RAD51B: variants seen among roughly 807,000 people sequenced by gnomAD.
RAD51B encodes DNA repair protein RAD51 homolog 2.
RAD51B carries 38 observed loss-of-function variants against 42.2 expected under a neutral mutation model. That is an observed-to-expected ratio of 0.90 (90% CI 0.70 to 1.18). RAD51B has a LOEUF of 1.18. Among genes scored for constraint, RAD51B ranks in the 50% most tolerant of loss-of-function variants. The probability of loss-of-function intolerance (pLI) is 0.00; values close to 1 mark genes in which losing one functional copy is unlikely to be tolerated. For missense variants in RAD51B, 373 were observed against 400.7 expected (o/e 0.93, Z 0.59); for synonymous variants, 154 against 145.2 (o/e 1.06, Z -0.43).
At chr14:67,864,878 G>A (rs758195110) in intron 4 of RAD51B, 125 bp from the exon 5 acceptor site, 132 of 1,374,060 alleles carry the variant, frequency 9.6e-5, no homozygotes, top group Non-Finnish European at 1.3e-4. Context: ...TCTCTCCTGG[G>A]AACCCAGGTT....
intron 8 of RAD51B, among the ~76,000 whole-genome samples, chr14:68,324,221 A>G (rs1484350979): frequency 6.6e-6 from 1 of 152,214 alleles, no homozygotes; most frequent in African/African-American, 2.4e-5. Flanking sequence ...AAGTCCACTC[A>G]GTGTTAGAAT....
At chr14:68,191,913 A>G (rs1167217671) in intron 7 of RAD51B, among the ~76,000 whole-genome samples, 2 of 152,202 alleles carry the variant, frequency 1.3e-5, no homozygotes, top group Admixed American at 6.5e-5. Context: ...AAATGTTTGG[A>G]CATCATTCAA....
At chr14:68,532,685 A>G (rs1887386229) in intron 10 of RAD51B, among the ~76,000 whole-genome samples, 1 of 152,198 alleles carries the variant, frequency 6.6e-6, no homozygotes, top group Non-Finnish European at 1.5e-5. Flanking sequence ...TATGTTACAC[A>G]AACTGTTTGA....
intron 7 of RAD51B, chr14:68,069,437 C>T (rs1470300820): frequency 1.3e-5 from 2 of 152,138 alleles, no homozygotes; most frequent in Non-Finnish European, 2.9e-5. Context: ...ACCATCCTCC[C>T]ACTCTCCACC....
chr14:68,108,511 T>A (rs555441135), intron 7 of RAD51B, among the ~76,000 whole-genome samples: 1 of 152,020 alleles, frequency 6.6e-6, no homozygotes, highest in African/African-American at 2.4e-5. Flanking sequence ...TAATCACAAA[T>A]AGCTAGATGT....
chr14:68,551,331 C>G (rs1888557966), intron 10 of RAD51B, among the ~76,000 whole-genome samples: 2 of 152,228 alleles, frequency 1.3e-5, no homozygotes, highest in Admixed American at 6.5e-5. Flanking sequence ...GCCCCTTCAG[C>G]CCCAAGTCGC....
chr14:68,087,010 C>G (rs979372158), intron 7 of RAD51B, among the ~76,000 whole-genome samples: 2 of 151,940 alleles, frequency 1.3e-5, no homozygotes, highest in Non-Finnish European at 2.9e-5. Context: ...TGGTGCATGC[C>G]TGTAATCTCA....
downstream of RAD51B, among the ~76,000 whole-genome samples, chr14:68,596,489 G>A (rs1891005038): frequency 6.6e-6 from 1 of 152,158 alleles, no homozygotes; most frequent in South Asian, 2.1e-4. Flanking sequence ...CTCCTTTTAT[G>A]GAAGGATGAT....
At chr14:68,386,998 C>G (rs1383195027) in intron 8 of RAD51B, 1 of 152,192 alleles carries the variant, frequency 6.6e-6, no homozygotes, top group Non-Finnish European at 1.5e-5. Context: ...TACTGAAATA[C>G]CAAACTTATT....
At chr14:68,384,116 C>G (rs577978231) in intron 8 of RAD51B, among the ~76,000 whole-genome samples, 42 of 152,306 alleles carry the variant, frequency 2.8e-4, no homozygotes, top group African/African-American at 9.6e-4. Flanking sequence ...CTCAAGTCAG[C>G]TTTTCACTTT....
chr14:67,879,149 T>C (rs2042824607), intron 5 of RAD51B, among the ~76,000 whole-genome samples: 1 of 152,210 alleles, frequency 6.6e-6, no homozygotes, highest in African/African-American at 2.4e-5. Context: ...GGCAGGCTGT[T>C]GGAAAGGGCA....
At chr14:68,383,858 T>TA (rs1431699999) in intron 8 of RAD51B, among the ~76,000 whole-genome samples, 2 of 152,166 alleles carry the variant, frequency 1.3e-5, no homozygotes, top group African/African-American at 4.8e-5. Context: ...TGTGGAGTCT[T>TA]ACACCTGATC....
intron 7 of RAD51B, among the ~76,000 whole-genome samples, chr14:68,067,918 C>T (rs1022021786): frequency 1.1e-3 from 126 of 112,570 alleles, no homozygotes; most frequent in African/African-American, 4.1e-3. Context: ...TCTGACAGAG[C>T]GAGACTCCAT....
chr14:67,824,694 A>T (rs1222402321), intron 2 of RAD51B, among the ~76,000 whole-genome samples: 4 of 152,152 alleles, frequency 2.6e-5, no homozygotes, highest in Admixed American at 2.6e-4. Flanking sequence ...AAACATTCTT[A>T]AAAGTATGAA....
chr14:68,088,635 A>G, intron 7 of RAD51B, among the ~76,000 whole-genome samples: 1 of 132,964 alleles, frequency 7.5e-6, no homozygotes, highest in African/African-American at 2.8e-5. Flanking sequence ...AGAGAGAGAG[A>G]GAGAGACAGA....
At chr14:68,615,937 T>A (rs1891816472), downstream of RAD51B, among the ~76,000 whole-genome samples, 1 of 152,192 alleles carries the variant, frequency 6.6e-6, no homozygotes, top group Non-Finnish European at 1.5e-5. Context: ...GGTTTAGGTA[T>A]GTCATCTTAC....
At chr14:68,585,452 C>T (rs572762044) in intron 10 of RAD51B, among the ~76,000 whole-genome samples, 107 of 152,230 alleles carry the variant, frequency 7.0e-4, no homozygotes, top group Non-Finnish European at 9.7e-4. Context: ...GAGCCCCAGG[C>T]GGGAGGCTGA....
At chr14:68,418,734 A>C (rs966064083) in intron 9 of RAD51B, among the ~76,000 whole-genome samples, 2 of 152,202 alleles carry the variant, frequency 1.3e-5, no homozygotes, top group African/African-American at 2.4e-5. Context: ...AGGACCTTGA[A>C]ATTTATTTGG....
intron 7 of RAD51B, among the ~76,000 whole-genome samples, chr14:68,145,700 A>G (rs1238605976): frequency 2.0e-5 from 3 of 152,174 alleles, no homozygotes; most frequent in African/African-American, 7.2e-5. Context: ...AGTTATTTAT[A>G]TCTTGATTGT....
Sources: gnomAD v4.1 joint callset for allele counts (sites outside exome capture counted in the v4.1 genomes callset) on GRCh38, gnomAD v4.1.1 for gene constraint, MANE v1.5 for transcripts, NCBI Gene and HGNC (gene_info 2026-07-23, HGNC 2026-07-21) for gene names.